Variants in CNTNAP5 observed in about 807,000 individuals in gnomAD.
CNTNAP5 encodes the protein contactin associated protein family member 5.
Under a neutral mutation model 150.2 loss-of-function variants are expected in CNTNAP5, and 72 were observed. The observed-to-expected ratio is 0.48, with a 90% CI of 0.40 to 0.58. The LOEUF is 0.58. CNTNAP5 is among the 20% of genes least tolerant of loss of function. The pLI is 0.00. For missense variants in CNTNAP5, 1,636 were observed against 1,626.2 expected, an observed-to-expected ratio of 1.01 and a Z score of -0.10; for synonymous variants, 672 against 619.8, an observed-to-expected ratio of 1.08 and a Z score of -1.25.
chr2:124,346,916 C>CA (rs35078281), intron 3 of CNTNAP5, among the ~76,000 whole-genome samples: 6,933 of 109,006 alleles, frequency 0.064, 347 homozygotes, highest in South Asian at 0.099. Flanking sequence ...ATTAAAAATA[C>CA]AAAAAAAAAA....
chr2:124,618,523 G>GA (rs1251377816), intron 12 of CNTNAP5, among the ~76,000 whole-genome samples: 1 of 152,180 alleles, frequency 6.6e-6, no homozygotes, highest in African/African-American at 2.4e-5. Context: ...CCCTGTGTGG[G>GA]AAGCAGCCAG....
intron 12 of CNTNAP5, among the ~76,000 whole-genome samples, chr2:124,615,077 A>G (rs553954352): frequency 2.5e-4 from 38 of 152,334 alleles, no homozygotes; most frequent in Admixed American, 2.3e-3. Flanking sequence ...GTGAGTCTTA[A>G]GAGACCCCAT....
intron 12 of CNTNAP5, 96 bp downstream of exon 12, chr2:124,610,016 A>T (rs1438119805): frequency 8.0e-6 from 11 of 1,376,352 alleles, no homozygotes; most frequent in Non-Finnish European, 1.1e-5. Context: ...CGTGAATAAA[A>T]ATTTGAAAGA....
intron 3 of CNTNAP5, among the ~76,000 whole-genome samples, chr2:124,309,328 G>A (rs1381563554): frequency 1.3e-5 from 2 of 152,246 alleles, no homozygotes; most frequent in South Asian, 2.1e-4. Context: ...CAGATTAAAT[G>A]TGAGTATTGA....
intron 13 of CNTNAP5, among the ~76,000 whole-genome samples, chr2:124,704,408 A>G (rs1047293098): frequency 1.3e-5 from 2 of 152,210 alleles, no homozygotes; most frequent in African/African-American, 4.8e-5. Context: ...GTGTTTGGAC[A>G]TAAGGTGTGA....
rs1682293756 is a variant in CNTNAP5 at position 124,813,934 on chromosome 2, A to T, written c.3217+15614A>T. On this transcript the variant is annotated intron_variant, in intron 19 of 23. Coordinates refer to ENST00000682447, the MANE Select transcript of CNTNAP5 (RefSeq NM_001367498.1). Reference sequence around the variant, plus strand: ...AATTAGATTACTGCCACGGAGTTCAAATTCTTCTCCCAACCTCTAGGCCTG... The same window carrying T: ...AATTAGATTACTGCCACGGAGTTCATATTCTTCTCCCAACCTCTAGGCCTG... Among the ~76,000 whole-genome samples the T allele has an allele frequency of 3.3e-5, 5 of 151,784 alleles. No individual in the cohort carries two copies. The South Asian group carries it at 1.0e-3, about 32-fold the overall frequency.
chr2:124,122,221 C>T (rs950112758), intron 1 of CNTNAP5, among the ~76,000 whole-genome samples: 1 of 152,106 alleles, frequency 6.6e-6, no homozygotes, highest in African/African-American at 2.4e-5. Context: ...ATTTAGACAG[C>T]CAGAAATGAA....
chr2:124,563,756 T>G (rs1279059094), intron 11 of CNTNAP5, among the ~76,000 whole-genome samples: 1 of 152,206 alleles, frequency 6.6e-6, no homozygotes, highest in Non-Finnish European at 1.5e-5. Flanking sequence ...ACAAAGGCCC[T>G]TCTTCCACCT....
At chr2:124,228,656 C>T (rs1397365364) in intron 2 of CNTNAP5, among the ~76,000 whole-genome samples, 2 of 152,108 alleles carry the variant, frequency 1.3e-5, no homozygotes, top group African/African-American at 4.8e-5. Context: ...CAGGAGGATA[C>T]TGAAAGATCA....
chr2:124,046,444 A>AAC (rs1681540059), intron 1 of CNTNAP5, among the ~76,000 whole-genome samples: 1 of 151,554 alleles, frequency 6.6e-6, no homozygotes, highest in Admixed American at 6.6e-5. Context: ...AAAAAAAAAA[A>AAC]AAAAACAGAG....
At chr2:124,618,984 C>T (rs1385331407) in intron 12 of CNTNAP5, among the ~76,000 whole-genome samples, 1 of 152,140 alleles carries the variant, frequency 6.6e-6, no homozygotes. Flanking sequence ...AAATGACCTA[C>T]TCCAAGATTT....
At chr2:124,471,568 C>A (rs1373624974) in intron 6 of CNTNAP5, among the ~76,000 whole-genome samples, 1 of 152,086 alleles carries the variant, frequency 6.6e-6, no homozygotes, top group Non-Finnish European at 1.5e-5. Context: ...TTTTCTCTTG[C>A]CTAATTGCCT....
intron 14 of CNTNAP5, among the ~76,000 whole-genome samples, chr2:124,756,531 A>T (rs1451953153): frequency 1.3e-5 from 2 of 152,252 alleles, no homozygotes; most frequent in African/African-American, 4.8e-5. Flanking sequence ...CATCAATGAT[A>T]GACTGGATAA....
intron 21 of CNTNAP5, among the ~76,000 whole-genome samples, chr2:124,881,456 G>C (rs1231448972): frequency 6.6e-6 from 1 of 152,062 alleles, no homozygotes; most frequent in Non-Finnish European, 1.5e-5. Flanking sequence ...ATTCGTTCTG[G>C]TCTGGCCTGA....
intron 6 of CNTNAP5, among the ~76,000 whole-genome samples, chr2:124,472,632 C>T (rs555059104): frequency 2.4e-4 from 37 of 151,368 alleles, no homozygotes; most frequent in Admixed American, 7.9e-4. Flanking sequence ...GGATTCCGTT[C>T]CAGACGAATG....
chr2:124,124,133 G>A (rs1400389009), intron 1 of CNTNAP5, among the ~76,000 whole-genome samples: 2 of 152,050 alleles, frequency 1.3e-5, no homozygotes, highest in East Asian at 1.9e-4. Context: ...GAAGGTGTTC[G>A]AACCCACTGC....
chr2:124,461,241 G>A (rs1394980329), intron 6 of CNTNAP5, among the ~76,000 whole-genome samples: 4 of 152,014 alleles, frequency 2.6e-5, no homozygotes, highest in Admixed American at 6.6e-5. Context: ...TGTTTATTGC[G>A]GCACTATTCA....
At chr2:124,686,883 A>T (rs950515976) in intron 13 of CNTNAP5, among the ~76,000 whole-genome samples, 38 of 152,154 alleles carry the variant, frequency 2.5e-4, no homozygotes, top group African/African-American at 7.5e-4. Context: ...ATACATTTTT[A>T]AAAATCCCAA....
chr2:124,119,355 C>A (rs1233443590), intron 1 of CNTNAP5, among the ~76,000 whole-genome samples: 9 of 102,378 alleles, frequency 8.8e-5, no homozygotes, highest in Non-Finnish European at 1.2e-4. Context: ...TTCTTAAGAG[C>A]AGGAAGCTTT....
Sources: gnomAD v4.1 joint callset for allele counts (sites outside exome capture counted in the v4.1 genomes callset) on GRCh38, gnomAD v4.1.1 for gene constraint, MANE v1.5 for transcripts, NCBI Gene and HGNC (gene_info 2026-07-23, HGNC 2026-07-21) for gene names.